ANK2: variants seen among roughly 807,000 people sequenced by gnomAD.
The protein encoded by ANK2 is ankyrin-2.
In ANK2, 83 loss-of-function variants were observed where a neutral mutation model predicts 360.5. The ratio of observed to expected loss-of-function variants is 0.23; its 90% CI spans 0.19 to 0.28. ANK2 has a LOEUF of 0.28. Ranked by LOEUF, ANK2 falls within the 10% of genes least tolerant of loss-of-function variation. The pLI is 1.00. For synonymous variants in ANK2, 1,740 were observed against 1,759.5 expected (o/e 0.99, Z 0.28); for missense variants, 4,201 against 4,795.7 (o/e 0.88, Z 3.66).
chr4:113,147,006 G>A (rs977096869), intron 1 of ANK2, among the ~76,000 whole-genome samples: 2 of 152,086 alleles, frequency 1.3e-5, no homozygotes, highest in African/African-American at 4.8e-5. Flanking sequence ...TCATTTCTTA[G>A]CACTGAAACT....
At chr4:112,799,619 C>T in the ANK2 span, among the ~76,000 whole-genome samples, 1 of 151,890 alleles carries the variant, frequency 6.6e-6, no homozygotes, top group Non-Finnish European at 1.5e-5. Flanking sequence ...TGTATTCAAG[C>T]GATTCTCCTG....
intron 2 of ANK2, among the ~76,000 whole-genome samples, chr4:112,957,804 G>A (rs544228857): frequency 4.7e-5 from 7 of 150,030 alleles, no homozygotes; most frequent in East Asian, 3.9e-4. Flanking sequence ...CAGACGGGGC[G>A]GCTGCCGGGC....
chr4:113,033,342 G>T (rs1331329256), intron 2 of ANK2, among the ~76,000 whole-genome samples: 1 of 151,896 alleles, frequency 6.6e-6, no homozygotes, highest in Non-Finnish European at 1.5e-5. Flanking sequence ...TCCAATTAGT[G>T]GTCGATCCAG....
chr4:112,930,843 A>G (rs916427012), intron 2 of ANK2, among the ~76,000 whole-genome samples: 1 of 151,358 alleles, frequency 6.6e-6, no homozygotes, highest in Non-Finnish European at 1.5e-5. Flanking sequence ...AGCCGAGACC[A>G]TGCCATTGCA....
intron 4 of ANK2, among the ~76,000 whole-genome samples, chr4:113,211,486 A>G (rs1456352113): frequency 6.6e-6 from 1 of 152,186 alleles, no homozygotes; most frequent in African/African-American, 2.4e-5. Context: ...CTAGGTTAGC[A>G]TTGTGCATTG....
intron 1 of ANK2, among the ~76,000 whole-genome samples, chr4:113,173,479 A>T (rs1047928606): frequency 6.6e-6 from 1 of 152,162 alleles, no homozygotes; most frequent in Non-Finnish European, 1.5e-5. Context: ...CTTTAGTCAG[A>T]TATTATATGA....
the ANK2 span, among the ~76,000 whole-genome samples, chr4:112,806,234 A>C: frequency 6.6e-6 from 1 of 152,136 alleles, no homozygotes; most frequent in Non-Finnish European, 1.5e-5. Context: ...GCCTCTGGTA[A>C]TGATCATTCT....
chr4:112,973,402 A>G (rs949412311), intron 2 of ANK2, among the ~76,000 whole-genome samples: 2 of 152,160 alleles, frequency 1.3e-5, no homozygotes, highest in Non-Finnish European at 2.9e-5. Flanking sequence ...TGTGCTCAAG[A>G]TGTTCGTGTA....
intron 2 of ANK2, among the ~76,000 whole-genome samples, chr4:113,186,082 C>T (rs2098515986): frequency 6.6e-6 from 1 of 152,198 alleles, no homozygotes; most frequent in African/African-American, 2.4e-5. Flanking sequence ...CAAGTGGGTC[C>T]CTGACTCCCA....
In ANK2 at chr4:112,993,608, T is replaced by C. The variant is rs1234174182; in HGVS notation, c.21+89094T>C. On this transcript the variant is annotated intron_variant, in intron 2 of 30. Coordinates refer to the ANK2 transcript ENST00000503271. ...GGCATGAGCCACTGTGCCTGGACAG[T>C]GTATACCTTCTATATATTGTAGATT... is the stretch of plus-strand genomic sequence containing the variant. 3.3e-5 allele frequency among the ~76,000 whole-genome samples: 5 copies of C among 151,252 alleles called. No individual in the cohort carries two copies. The East Asian group carries it at 5.9e-4, about 18-fold the overall frequency.
At chr4:113,269,638 G>C (rs561542530) in intron 14 of ANK2, among the ~76,000 whole-genome samples, 2 of 152,318 alleles carry the variant, frequency 1.3e-5, no homozygotes, top group South Asian at 2.1e-4. Flanking sequence ...AGATGAGCCA[G>C]ATACCTCAGT....
At chr4:112,956,072 C>G (rs1433456045) in intron 2 of ANK2, among the ~76,000 whole-genome samples, 1 of 152,150 alleles carries the variant, frequency 6.6e-6, no homozygotes, top group African/African-American at 2.4e-5. Context: ...TTCAAGATCC[C>G]CAGGGGATGC....
intron 2 of ANK2, among the ~76,000 whole-genome samples, chr4:112,993,319 T>C (rs1294588180): frequency 6.6e-6 from 1 of 152,116 alleles, no homozygotes; most frequent in Admixed American, 6.5e-5. Flanking sequence ...CCTTTCTTTT[T>C]TTAGACAGAG....
chr4:113,360,717 T>G, intron 38 of ANK2, 106 bp from the exon 39 acceptor site: 2 of 992,346 alleles, frequency 2.0e-6, no homozygotes, highest in Non-Finnish European at 3.1e-6. Flanking sequence ...TAGTTTGTGC[T>G]TTCAAATATT....
intron 1 of ANK2, among the ~76,000 whole-genome samples, chr4:113,098,490 A>G (rs2092119226): frequency 6.6e-6 from 1 of 152,048 alleles, no homozygotes; most frequent in African/African-American, 2.4e-5. Flanking sequence ...ACCTATACAA[A>G]AAGAAATAGG....
In ANK2 at chr4:113,333,197, G is replaced by T. The variant is rs2092850123; in HGVS notation, c.3368G>T (p.Gly1123Val). 1 of 1,614,122 alleles carries T rather than the reference G, an allele frequency of 6.2e-7. No individual in the cohort carries two copies. The highest frequency in any genetic ancestry group is 2.2e-5 in the East Asian group (1 of 44,878). Residue 1123 changes from glycine to valine, a missense_variant, in exon 29 of 46, where the codon GGC becomes GTC. Gly to Val is a moderately radical substitution (Grantham distance 109, BLOSUM62 -3). Coordinates refer to ENST00000357077, the MANE Select transcript of ANK2 (RefSeq NM_001148.6). ...GATGAATTGAATGAAATTCTTAACG[G>T]CATGGATGAAGGTACTTTCAGATGA... ...TEDELNEILN[G>V]MDEVLDSPED...
chr4:113,085,262 A>G (rs1481759221), intron 1 of ANK2, among the ~76,000 whole-genome samples: 3 of 152,188 alleles, frequency 2.0e-5, no homozygotes, highest in Non-Finnish European at 4.4e-5. Context: ...AAGTATTTAT[A>G]GAGTAGAATT....
chr4:112,919,852 T>A (rs1024767209), intron 2 of ANK2, among the ~76,000 whole-genome samples: 3 of 152,116 alleles, frequency 2.0e-5, no homozygotes, highest in African/African-American at 7.2e-5. Context: ...AGAATAAATA[T>A]CATTTTGATT....
intron 34 of ANK2, among the ~76,000 whole-genome samples, chr4:113,344,921 A>G (rs2094670135): frequency 6.6e-6 from 1 of 152,184 alleles, no homozygotes; most frequent in African/African-American, 2.4e-5. Flanking sequence ...GAAGTGAAGA[A>G]TGGGGAATTA....
Sources: gnomAD v4.1 joint callset for allele counts (sites outside exome capture counted in the v4.1 genomes callset) on GRCh38, gnomAD v4.1.1 for gene constraint, MANE v1.5 for transcripts, NCBI Gene and HGNC (gene_info 2026-07-23, HGNC 2026-07-21) for gene names.